The following PTP4A1 variants were observed in gnomAD, a reference collection of about 807,000 sequenced individuals.
PTP4A1 encodes protein tyrosine phosphatase type IVA 1.
Under a neutral mutation model 20.5 loss-of-function variants are expected in PTP4A1, and 9 were observed. The ratio of observed to expected loss-of-function variants is 0.44; its 90% CI spans 0.26 to 0.77. The LOEUF (loss-of-function observed/expected upper bound fraction) is 0.77. PTP4A1 is among the 30% of genes least tolerant of loss of function. The probability of loss-of-function intolerance (pLI) is 0.19; values close to 1 mark genes in which losing one functional copy is unlikely to be tolerated. For synonymous variants in PTP4A1, 78 were observed against 67.4 expected, an observed-to-expected ratio of 1.16 and a Z score of -0.77; for missense variants, 137 against 218.8, an observed-to-expected ratio of 0.63 and a Z score of 2.36.
intron 2 of PTP4A1, among the ~76,000 whole-genome samples, chr6:63,536,561 T>C (rs1051374523): frequency 6.6e-6 from 1 of 152,236 alleles, no homozygotes; most frequent in Non-Finnish European, 1.5e-5. Context: ...TCACCACTTA[T>C]ATTTTATCCA....
intron 3 of PTP4A1, among the ~76,000 whole-genome samples, chr6:63,558,240 T>C (rs1195782231): frequency 6.6e-6 from 1 of 151,764 alleles, no homozygotes; most frequent in African/African-American, 2.4e-5. Flanking sequence ...GTTATTGCAA[T>C]ACAACTCAGA....
At chr6:63,573,386 A>C (rs1444045064) in intron 1 of PTP4A1, 1 of 152,434 alleles carries the variant, frequency 6.6e-6, no homozygotes, top group South Asian at 2.1e-4. Context: ...CGGGACAGCC[A>C]CTGGGTGCAG....
At chr6:63,548,602 G>C (rs1051973991) in intron 2 of PTP4A1, 2 of 314,226 alleles carry the variant, frequency 6.4e-6, no homozygotes, top group African/African-American at 4.3e-5. Context: ...TAGAAATTCA[G>C]AAAAGGTTTA....
Position 63,578,470 on chromosome 6 carries a change from A to G in PTP4A1, c.139A>G (p.Arg47Gly). 6.2e-7 allele frequency: 1 copy of G among 1,610,420 alleles called. No homozygotes were observed. The highest frequency in any genetic ancestry group is 8.5e-7 in the Non-Finnish European group (1 of 1,178,944). Residue 47 changes from arginine to glycine, a missense_variant, in exon 3 of 6, where the codon AGA becomes GGA. Physicochemically the swap from Arg to Gly is moderately radical, Grantham distance 125. Transcript: ENST00000626021. ...GAAGTATGGAGTTACCACAATAGTA[A>G]GAGTATGTGAAGCAACTTATGACAC... ...LKKYGVTTIV[R>G]VCEATYDTTL...
upstream of PTP4A1, among the ~76,000 whole-genome samples, chr6:63,519,318 AG>A (rs1030279697): frequency 1.3e-5 from 2 of 152,080 alleles, no homozygotes; most frequent in African/African-American, 4.8e-5. Flanking sequence ...AAAAAAAAAA[AG>A]ACTACAAAGG....
At chr6:63,568,936 A>G (rs1777299796), upstream of PTP4A1, among the ~76,000 whole-genome samples, 1 of 151,990 alleles carries the variant, frequency 6.6e-6, no homozygotes. Context: ...TCTATTACAT[A>G]TATTTGCTAG....
At position 63,576,994 on chromosome 6, in the gene PTP4A1, T is replaced by C. The variant is rs1777906219; in HGVS notation, c.105+9T>C. The C allele has an allele frequency of 1.9e-6, 3 of 1,595,516 alleles. No homozygotes were observed. Among genetic ancestry groups the C allele is most frequent in the Non-Finnish European group, 2.6e-6 (3 of 1,163,750 alleles). On this transcript the variant is annotated intron_variant, in intron 2 of 5. Coordinates refer to ENST00000626021, the MANE Select transcript of PTP4A1 (RefSeq NM_003463.5). ...TAAACAAATTTATAGAGGTAAGATTTGATATGTTTTAGTAGCTTAAATTGA... is the reference window on the plus strand; with the variant it reads ...TAAACAAATTTATAGAGGTAAGATTCGATATGTTTTAGTAGCTTAAATTGA...
chr6:63,518,894 A>G (rs1287652670), upstream of PTP4A1, among the ~76,000 whole-genome samples: 1 of 152,204 alleles, frequency 6.6e-6, no homozygotes, highest in East Asian at 1.9e-4. Context: ...TATCTTTCAG[A>G]TTTTAGAAAA....
intron 2 of PTP4A1, among the ~76,000 whole-genome samples, chr6:63,531,023 A>T (rs1351360361): frequency 6.6e-6 from 1 of 152,216 alleles, no homozygotes; most frequent in East Asian, 1.9e-4. Flanking sequence ...TATAAGAATG[A>T]GCTTTGCTTG....
At chr6:63,565,033 A>G (rs750592362) in intron 3 of PTP4A1, among the ~76,000 whole-genome samples, 41 of 152,054 alleles carry the variant, frequency 2.7e-4, no homozygotes, top group Non-Finnish European at 4.6e-4. Context: ...CTTGAGAGAG[A>G]GGGTCTTTGG....
At chr6:63,532,672 A>C (rs1234494505) in intron 2 of PTP4A1, among the ~76,000 whole-genome samples, 1 of 152,184 alleles carries the variant, frequency 6.6e-6, no homozygotes, top group Non-Finnish European at 1.5e-5. Context: ...GGAGGGGAGG[A>C]AGTTGGAGAG....
intron 3 of PTP4A1, among the ~76,000 whole-genome samples, chr6:63,555,825 C>G (rs765142457): frequency 1.3e-5 from 2 of 151,974 alleles, no homozygotes; most frequent in African/African-American, 2.4e-5. Context: ...TCCCAAGTAG[C>G]TGGAATTACA....
upstream of PTP4A1, among the ~76,000 whole-genome samples, chr6:63,568,520 G>A (rs987241537): frequency 6.6e-6 from 1 of 152,020 alleles, no homozygotes; most frequent in African/African-American, 2.4e-5. Flanking sequence ...CATAACAAAT[G>A]CAATAATAAT....
chr6:63,554,353 A>T (rs1776579846), intron 3 of PTP4A1, among the ~76,000 whole-genome samples: 1 of 152,222 alleles, frequency 6.6e-6, no homozygotes, highest in South Asian at 2.1e-4. Flanking sequence ...GAACTTGACC[A>T]GAAATTCTTA....
At chr6:63,531,725 A>C (rs531326575) in intron 2 of PTP4A1, among the ~76,000 whole-genome samples, 1 of 152,082 alleles carries the variant, frequency 6.6e-6, no homozygotes, top group South Asian at 2.1e-4. Context: ...TACTGGACTC[A>C]AGTGACCCAC....
At chr6:63,555,979 C>T (rs779737612) in intron 3 of PTP4A1, among the ~76,000 whole-genome samples, 12 of 151,926 alleles carry the variant, frequency 7.9e-5, no homozygotes, top group African/African-American at 1.2e-4. Context: ...GAGTGAGCCA[C>T]CGTACCTGGC....
At chr6:63,547,884 T>G (rs1776273490) in intron 2 of PTP4A1, among the ~76,000 whole-genome samples, 1 of 152,184 alleles carries the variant, frequency 6.6e-6, no homozygotes, top group Non-Finnish European at 1.5e-5. Context: ...TTTCCAACAC[T>G]TATTTATTTA....
intron 1 of PTP4A1, among the ~76,000 whole-genome samples, chr6:63,523,740 T>A (rs984302399): frequency 2.0e-5 from 3 of 152,168 alleles, no homozygotes; most frequent in African/African-American, 2.4e-5. Context: ...GCGATTTTTT[T>A]AAGCTCATCA....
Position 63,576,684 on chromosome 6 carries a change from G to A in PTP4A1, c.-197G>A, listed in dbSNP as rs1487103488. ...GTGCACTTCTTTTCTGTTGGCCTCA[G>A]TATTACTGGATTGAAGAATTGCTGC... On this transcript the variant is annotated 5_prime_UTR_variant, in exon 2 of 6. Coordinates refer to ENST00000626021, the MANE Select transcript of PTP4A1 (RefSeq NM_003463.5). 1.3e-5 allele frequency: 8 copies of A among 599,730 alleles called. No homozygotes were observed. The highest frequency in any genetic ancestry group is 1.1e-4 in the East Asian group (4 of 35,522). 37.2% of individuals were successfully genotyped at this position (599,730 alleles called of 1,614,324 possible). A position where few individuals can be genotyped will look rare whatever the true frequency, so the allele number is the denominator to read the frequency against.
Sources: allele counts gnomAD v4.1 joint callset (sites outside exome capture counted in the v4.1 genomes callset), GRCh38; gene constraint gnomAD v4.1.1; transcripts MANE v1.5; gene names NCBI Gene and HGNC (gene_info 2026-07-23, HGNC 2026-07-21).